Variants in MYO5B observed in about 807,000 individuals in gnomAD.
The protein encoded by MYO5B is unconventional myosin-Vb.
Under a neutral mutation model 229.3 loss-of-function variants are expected in MYO5B, and 143 were observed. The observed-to-expected ratio is 0.62, with a 90% CI of 0.54 to 0.72. The LOEUF (loss-of-function observed/expected upper bound fraction) is 0.72, where lower values mean the gene tolerates loss of function less well. Ranked by LOEUF, MYO5B falls within the 30% of genes least tolerant of loss-of-function variation. The pLI, the probability that MYO5B is intolerant of heterozygous loss-of-function variation, is 0.00. For missense variants in MYO5B, 2,321 were observed against 2,331.0 expected, an observed-to-expected ratio of 1.00 and a Z score of 0.09; for synonymous variants, 918 against 885.2, an observed-to-expected ratio of 1.04 and a Z score of -0.66.
chr18:50,047,655 G>A (rs1336473219), intron 2 of MYO5B, among the ~76,000 whole-genome samples: 1 of 152,088 alleles, frequency 6.6e-6, no homozygotes, highest in African/African-American at 2.4e-5. Context: ...GTTTATTGCG[G>A]CACTATTCAC....
rs2025164728 is a variant in MYO5B, at chr18:49,929,433, C to A, written c.2090+79G>T. ...AAGGATCTGTTTCTGGCCGACGGTACACAGAGGGCTCCCTGGGGAACCAAA... is the reference window on the plus strand; with the variant it reads ...AAGGATCTGTTTCTGGCCGACGGTAAACAGAGGGCTCCCTGGGGAACCAAA... On this transcript the variant is annotated intron_variant, in intron 17 of 39. Coordinates refer to ENST00000285039, the MANE Select transcript of MYO5B (RefSeq NM_001080467.3). 7 of 1,190,592 alleles carry A rather than the reference C, an allele frequency of 5.9e-6. No individual in the cohort carries two copies. In the East Asian group the frequency reaches 1.3e-4, roughly 21 times the overall value. The allele number at this position is 1,190,592 out of a possible 1,614,324, so 73.8% of individuals were successfully genotyped here.
At chr18:50,175,348 A>G (rs2032980828) in intron 1 of MYO5B, among the ~76,000 whole-genome samples, 1 of 152,172 alleles carries the variant, frequency 6.6e-6, no homozygotes, top group Admixed American at 6.5e-5. Flanking sequence ...GCTTTATCCT[A>G]AAAGACAACA....
chr18:50,051,029 T>A (rs537731259), intron 2 of MYO5B, among the ~76,000 whole-genome samples: 1 of 152,344 alleles, frequency 6.6e-6, no homozygotes, highest in Non-Finnish European at 1.5e-5. Flanking sequence ...CATACTACTC[T>A]TATGTGTTTA....
At chr18:49,977,807 ACT>A (rs1246743226) in intron 9 of MYO5B, among the ~76,000 whole-genome samples, 2 of 152,010 alleles carry the variant, frequency 1.3e-5, no homozygotes, top group Non-Finnish European at 2.9e-5. Context: ...TTAGACAAAG[ACT>A]CTCTCAACCA....
At chr18:49,970,782 G>C (rs1296974360) in intron 10 of MYO5B, 1 of 152,188 alleles carries the variant, frequency 6.6e-6, no homozygotes, top group Non-Finnish European at 1.5e-5. Context: ...GGCCACTGGT[G>C]GGGTCAAGGG....
chr18:49,884,649 T>A lies in MYO5B; in HGVS notation c.3046-4194A>T, dbSNP rs976129553. Among the ~76,000 whole-genome samples the A allele has an allele frequency of 6.6e-5, 10 of 152,290 alleles. No individual in the cohort carries two copies. The South Asian group carries it at 1.2e-3, about 19-fold the overall frequency. Reference sequence around the variant, plus strand: ...AGTGGGGAGCGGCTGTAAATACAGATGAAGCCTTGCTCACTTGCCCACCAC... The same window carrying A: ...AGTGGGGAGCGGCTGTAAATACAGAAGAAGCCTTGCTCACTTGCCCACCAC... On this transcript the variant is annotated intron_variant, in intron 22 of 39. Coordinates refer to ENST00000285039, the MANE Select transcript of MYO5B (RefSeq NM_001080467.3).
chr18:50,086,617 C>T (rs1411888239), intron 1 of MYO5B, among the ~76,000 whole-genome samples: 2 of 152,136 alleles, frequency 1.3e-5, no homozygotes, highest in Admixed American at 6.6e-5. Context: ...ACTGGAGACA[C>T]GGAGAAATTA....
intron 39 of MYO5B, among the ~76,000 whole-genome samples, chr18:49,835,074 T>G (rs1048505873): frequency 5.3e-5 from 8 of 152,248 alleles, no homozygotes; most frequent in African/African-American, 1.9e-4. Flanking sequence ...TTCAGTAACA[T>G]GCTAGTGGCA....
At chr18:49,832,109 A>G (rs1185847760) in intron 39 of MYO5B, among the ~76,000 whole-genome samples, 1 of 152,222 alleles carries the variant, frequency 6.6e-6, no homozygotes, top group Non-Finnish European at 1.5e-5. Flanking sequence ...AGGATGATGA[A>G]AGAATTTTGG....
chr18:50,135,703 T>C (rs559903159), intron 1 of MYO5B, among the ~76,000 whole-genome samples: 3 of 152,352 alleles, frequency 2.0e-5, no homozygotes, highest in Admixed American at 1.3e-4. Context: ...TGAGATTCCA[T>C]GCACGCTGTC....
chr18:50,042,976 T>A (rs2030066116), intron 2 of MYO5B, among the ~76,000 whole-genome samples: 1 of 151,638 alleles, frequency 6.6e-6, no homozygotes, highest in African/African-American at 2.4e-5. Context: ...CTTCAACTCT[T>A]CCCCCCAAGG....
rs17802336 is a variant in MYO5B, at chr18:50,130,678, C to T, written c.27+64089G>A. Among the ~76,000 whole-genome samples, 522 of 152,246 alleles carry T rather than the reference C, an allele frequency of 3.4e-3. 8 individuals are homozygous for T. Among genetic ancestry groups the T allele is most frequent in the Admixed American group, 0.023 (356 of 15,292 alleles). ...CACCAGGCCTGAATTCTAAGAACAC[C>T]GGTGAAATACAAGCCAGTTAGAACG... On this transcript the variant is annotated intron_variant, in intron 1 of 39. Transcript: ENST00000285039.
intron 1 of MYO5B, among the ~76,000 whole-genome samples, chr18:50,086,492 G>T (rs1305442545): frequency 5.3e-5 from 8 of 152,216 alleles, no homozygotes; most frequent in Non-Finnish European, 1.0e-4. Flanking sequence ...GTGTGCACGT[G>T]TGTGTATCAC....
chr18:50,134,396 G>A (rs964313530), intron 1 of MYO5B, among the ~76,000 whole-genome samples: 1 of 151,686 alleles, frequency 6.6e-6, no homozygotes, highest in African/African-American at 2.4e-5. Flanking sequence ...TCTACTAAAA[G>A]TGCAAAAACT....
chr18:49,888,741 C>T (rs1435901916), intron 22 of MYO5B, among the ~76,000 whole-genome samples: 1 of 152,212 alleles, frequency 6.6e-6, no homozygotes, highest in Non-Finnish European at 1.5e-5. Flanking sequence ...CAGGATCTGC[C>T]TGAATGTTTC....
At chr18:50,102,453 G>T (rs756212178) in intron 1 of MYO5B, among the ~76,000 whole-genome samples, 3 of 152,138 alleles carry the variant, frequency 2.0e-5, no homozygotes, top group Non-Finnish European at 2.9e-5. Context: ...GTGGAGAAAA[G>T]CCAGGTAAGG....
At chr18:50,163,399 C>A (rs1048682692) in intron 1 of MYO5B, among the ~76,000 whole-genome samples, 2 of 152,224 alleles carry the variant, frequency 1.3e-5, no homozygotes. Context: ...CCCTCCATCA[C>A]CACATCAGCC....
intron 1 of MYO5B, among the ~76,000 whole-genome samples, chr18:50,145,795 G>T (rs1281609089): frequency 6.6e-6 from 1 of 152,134 alleles, no homozygotes; most frequent in African/African-American, 2.4e-5. Flanking sequence ...TCATTTGAGG[G>T]ATACCAAAGT....
intron 1 of MYO5B, among the ~76,000 whole-genome samples, chr18:50,071,580 C>T (rs955391044): frequency 2.6e-5 from 4 of 152,208 alleles, no homozygotes; most frequent in Non-Finnish European, 5.9e-5. Flanking sequence ...GTCACCAGCT[C>T]GAGAACATCT....
Sources: gnomAD v4.1 joint callset for allele counts (sites outside exome capture counted in the v4.1 genomes callset) on GRCh38, gnomAD v4.1.1 for gene constraint, MANE v1.5 for transcripts, NCBI Gene and HGNC (gene_info 2026-07-23, HGNC 2026-07-21) for gene names.